The following ELAVL2 variants were observed in gnomAD, a reference collection of about 807,000 sequenced individuals.
The protein encoded by ELAVL2 is ELAV-like protein 2.
A neutral mutation model predicts 34.6 loss-of-function variants in ELAVL2; 4 were observed. The observed-to-expected ratio is 0.12, with a 90% CI of 0.06 to 0.26. The LOEUF is 0.26. Ranked by LOEUF, ELAVL2 falls within the 10% of genes least tolerant of loss-of-function variation. ELAVL2 has a pLI of 1.00. For synonymous variants in ELAVL2, 193 were observed against 154.8 expected, an observed-to-expected ratio of 1.25 and a Z score of -1.83; for missense variants, 432 against 442.8, an observed-to-expected ratio of 0.98 and a Z score of 0.22.
At chr9:23,813,333 G>A (rs1384143276) in intron 1 of ELAVL2, among the ~76,000 whole-genome samples, 1 of 151,056 alleles carries the variant, frequency 6.6e-6, no homozygotes, top group Non-Finnish European at 1.5e-5. Context: ...AGAAAAGGCT[G>A]AAGACTGAAA....
rs1818020897 is a variant in ELAVL2 at position 23,692,884 on chromosome 9, C to A, written c.753G>T (p.Arg251Ser). The A allele has an allele frequency of 5.0e-6, 8 of 1,612,730 alleles. No individual in the cohort carries two copies. The highest frequency in any genetic ancestry group is 6.8e-6 in the Non-Finnish European group (8 of 1,179,060). ...TTCCGTCAATGGTCATTGGAGAAAACCTGCTAAACAGAATAGGAAATACAC... is the reference window on the plus strand; with the variant it reads ...TTCCGTCAATGGTCATTGGAGAAAAACTGCTAAACAGAATAGGAAATACAC... ...NLLNMAYGVKRFSPMTIDGMT... is the reference protein window; with the variant it reads ...NLLNMAYGVKSFSPMTIDGMT... The change falls in exon 7 of 7, where the codon AGG becomes AGT. Residue 251 changes from arginine to serine, a missense_variant and splice_region_variant. This residue lies in a region of ELAVL2 where 295 missense variants were observed against 306.1 expected (regional missense o/e 0.96). Coordinates refer to ENST00000397312, the MANE Select transcript of ELAVL2 (RefSeq NM_004432.5).
chr9:23,847,395 C>T, the ELAVL2 span: 1 of 152,028 alleles, frequency 6.6e-6, no homozygotes, highest in Non-Finnish European at 1.5e-5. Context: ...TGCATGAATA[C>T]TTTTTCACTT....
chr9:23,712,726 T>C lies in ELAVL2; in HGVS notation c.334-7655A>G, dbSNP rs1368394134. On this transcript the variant is annotated intron_variant, in intron 3 of 6. Transcript: ENST00000397312. ...CTGTTTACACTAGGGGAGATTCTCA[T>C]TTTCATAGAATTTTCAAGTTTTAGT... Among the ~76,000 whole-genome samples the C allele has an allele frequency of 1.3e-5, 2 of 152,126 alleles. 1 individual carries two copies. Among genetic ancestry groups the C allele is most frequent in the Non-Finnish European group, 2.9e-5 (2 of 68,016 alleles).
intron 3 of ELAVL2, among the ~76,000 whole-genome samples, chr9:23,707,373 G>A (rs1176362357): frequency 2.6e-5 from 4 of 152,172 alleles, no homozygotes; most frequent in African/African-American, 9.7e-5. Flanking sequence ...TCCCTATCTA[G>A]GATTCTATGG....
chr9:23,779,877 T>A (rs192297666), intron 1 of ELAVL2, among the ~76,000 whole-genome samples: 8 of 151,736 alleles, frequency 5.3e-5, no homozygotes, highest in African/African-American at 1.7e-4. Flanking sequence ...TAGGGCACAT[T>A]AAATTATTCC....
At chr9:23,830,427 A>G (rs1246410984), upstream of ELAVL2, among the ~76,000 whole-genome samples, 1 of 152,148 alleles carries the variant, frequency 6.6e-6, no homozygotes. Context: ...AGGGGGAAAG[A>G]CTGTAAAGTA....
At chr9:23,768,443 C>CTTT (rs527710583) in intron 1 of ELAVL2, among the ~76,000 whole-genome samples, 18 of 140,178 alleles carry the variant, frequency 1.3e-4, no homozygotes, top group East Asian at 1.3e-3. Context: ...AACTAGGTAA[C>CTTT]TTTTTTTTTT....
chr9:23,821,593 C>G (rs867808374), intron 1 of ELAVL2: 3 of 152,602 alleles, frequency 2.0e-5, no homozygotes, highest in African/African-American at 7.2e-5. Context: ...CCCCCACGCC[C>G]CCAGCACTTG....
chr9:23,697,690 A>G (rs970679811), intron 5 of ELAVL2, among the ~76,000 whole-genome samples: 31 of 152,156 alleles, frequency 2.0e-4, no homozygotes, highest in African/African-American at 7.2e-4. Flanking sequence ...CTAGGTGTTC[A>G]TAAGTAGAAA....
At chr9:23,823,627 C>T (rs965731648) in intron 1 of ELAVL2, among the ~76,000 whole-genome samples, 1 of 152,182 alleles carries the variant, frequency 6.6e-6, no homozygotes, top group Admixed American at 6.5e-5. Flanking sequence ...TCGAAACTCT[C>T]AACATATTTT....
At chr9:23,704,149 C>CTTTTTTTTTTTTTTTTTTTTTTTTTTT (rs1213893502) in intron 4 of ELAVL2, among the ~76,000 whole-genome samples, 34 of 151,784 alleles carry the variant, frequency 2.2e-4, no homozygotes, top group African/African-American at 7.2e-4. Context: ...TCACGCTGGT[C>CTTTTTTTTTTTTTTTTTTTTTTTTTTT]TTGAACTCCC....
intron 1 of ELAVL2, among the ~76,000 whole-genome samples, chr9:23,795,530 G>T (rs2060815072): frequency 6.6e-6 from 1 of 152,092 alleles, no homozygotes; most frequent in Admixed American, 6.5e-5. Flanking sequence ...GCGAGACAGA[G>T]CAAGACTCCA....
chr9:23,780,990 A>G (rs2058982818), intron 1 of ELAVL2, among the ~76,000 whole-genome samples: 2 of 152,214 alleles, frequency 1.3e-5, no homozygotes, highest in African/African-American at 4.8e-5. Flanking sequence ...GTAAAAGCCT[A>G]CATAAAGTCC....
chr9:23,795,049 AAACT>A (rs1166013483), intron 1 of ELAVL2, among the ~76,000 whole-genome samples: 4 of 152,214 alleles, frequency 2.6e-5, no homozygotes, highest in Non-Finnish European at 5.9e-5. Flanking sequence ...CTATCAAAAC[AAACT>A]AAAGGAGTAA....
At chr9:23,761,092 T>G (rs2054876731) in intron 2 of ELAVL2, among the ~76,000 whole-genome samples, 1 of 152,110 alleles carries the variant, frequency 6.6e-6, no homozygotes, top group African/African-American at 2.4e-5. Flanking sequence ...GGTCTCATTC[T>G]TCACACTGCC....
intron 1 of ELAVL2, among the ~76,000 whole-genome samples, chr9:23,823,829 C>T (rs1304631990): frequency 6.6e-6 from 1 of 152,180 alleles, no homozygotes; most frequent in Admixed American, 6.5e-5. Context: ...CTATTGTCTG[C>T]TGTGTACTTT....
intron 2 of ELAVL2, among the ~76,000 whole-genome samples, chr9:23,749,670 G>C (rs1008222176): frequency 2.0e-5 from 3 of 152,044 alleles, no homozygotes; most frequent in Admixed American, 1.3e-4. Context: ...GGTGCAGAAC[G>C]TGACTTTTGG....
chr9:23,719,121 C>G (rs956372469), intron 3 of ELAVL2, among the ~76,000 whole-genome samples: 1 of 152,162 alleles, frequency 6.6e-6, no homozygotes, highest in South Asian at 2.1e-4. Flanking sequence ...CCACCTTTAT[C>G]TTTGTTCTAA....
chr9:23,752,567 G>A (rs1354751537), intron 2 of ELAVL2, among the ~76,000 whole-genome samples: 1 of 151,758 alleles, frequency 6.6e-6, no homozygotes, highest in Non-Finnish European at 1.5e-5. Flanking sequence ...CGATTCTCCT[G>A]TCTCAGCCTC....
Sources: allele counts gnomAD v4.1 joint callset (sites outside exome capture counted in the v4.1 genomes callset), GRCh38; gene constraint gnomAD v4.1.1; regional missense constraint gnomAD v4.1.1; transcripts MANE v1.5; gene names NCBI Gene and HGNC (gene_info 2026-07-23, HGNC 2026-07-21).